TTC1: variants seen among roughly 807,000 people sequenced by gnomAD.
The protein encoded by TTC1 is tetratricopeptide repeat protein 1.
TTC1 carries 31 observed loss-of-function variants against 37.6 expected under a neutral mutation model. The ratio of observed to expected loss-of-function variants is 0.82; its 90% CI spans 0.62 to 1.11. TTC1 has a LOEUF of 1.11. Among genes scored for constraint, TTC1 ranks in the 50% most tolerant of loss-of-function variants. The probability of loss-of-function intolerance (pLI) is 0.00; values close to 1 mark genes in which losing one functional copy is unlikely to be tolerated. For missense variants in TTC1, 351 were observed against 339.0 expected, an observed-to-expected ratio of 1.04 and a Z score of -0.28; for synonymous variants, 127 against 122.4, an observed-to-expected ratio of 1.04 and a Z score of -0.25.
chr5:160,010,164 A>G (rs1002097325), intron 1 of TTC1, among the ~76,000 whole-genome samples: 2 of 151,094 alleles, frequency 1.3e-5, no homozygotes, highest in Non-Finnish European at 2.9e-5. Flanking sequence ...AGGCTGAGGC[A>G]GGAGAATCGC....
intron 3 of TTC1, among the ~76,000 whole-genome samples, chr5:160,035,857 G>A (rs562585375): frequency 2.1e-4 from 32 of 151,982 alleles, no homozygotes; most frequent in Non-Finnish European, 4.1e-4. Context: ...AGAAATCTAG[G>A]AGTGTTAACA....
intron 2 of TTC1, among the ~76,000 whole-genome samples, chr5:160,026,616 T>G (rs1490073340): frequency 1.3e-5 from 2 of 152,366 alleles, no homozygotes; most frequent in East Asian, 3.9e-4. Context: ...TGATAGCACT[T>G]CAGCTACTTA....
intron 2 of TTC1, among the ~76,000 whole-genome samples, chr5:160,032,702 CTTTTTTT>C (rs70987990): frequency 5.4e-5 from 4 of 74,712 alleles, no homozygotes; most frequent in East Asian, 9.0e-4. Context: ...TACCTGCTTT[CTTTTTTT>C]TTTTTTTTTT....
chr5:160,015,929 C>T lies in TTC1; in HGVS notation c.330+5071C>T, dbSNP rs74977385. On this transcript the variant is annotated intron_variant, in intron 2 of 7. Transcript: ENST00000231238. Reference sequence around the variant, plus strand: ...AACTGAATTGAATTATAGGACACTCCGTTGGTGTCCATTGGAGAATTGTTT... The same window carrying T: ...AACTGAATTGAATTATAGGACACTCTGTTGGTGTCCATTGGAGAATTGTTT... Among the ~76,000 whole-genome samples, 104 of 152,266 alleles carry T rather than the reference C, an allele frequency of 6.8e-4. No individual in the cohort carries two copies. In the East Asian group the frequency reaches 0.014, roughly 21 times the overall value.
intron 5 of TTC1, 61 bp from the exon 6 acceptor site, chr5:160,049,453 T>C (rs748167579): frequency 3.6e-5 from 50 of 1,406,122 alleles, no homozygotes; most frequent in East Asian, 1.5e-4. Flanking sequence ...GAATCTGATA[T>C]AGCCAAAGAT....
intron 2 of TTC1, among the ~76,000 whole-genome samples, chr5:160,029,625 G>A (rs1756871833): frequency 2.0e-5 from 3 of 152,102 alleles, no homozygotes; most frequent in South Asian, 2.1e-4. Context: ...GTAGTAAAGC[G>A]AGACCCTGAC....
chr5:160,035,116 A>G (rs376977673), intron 2 of TTC1, 24 bp from the exon 3 acceptor site: 14 of 1,576,128 alleles, frequency 8.9e-6, no homozygotes, highest in South Asian at 6.0e-5. Context: ...GTGAGAAATT[A>G]TGTAATTCTC....
chr5:160,010,561 A>G lies in TTC1; in HGVS notation c.33A>G (p.Pro11=), dbSNP rs746428408. Residue 11 remains proline (P), a synonymous_variant, in exon 2 of 8, where the codon CCA becomes CCG. Coordinates refer to ENST00000231238, the MANE Select transcript of TTC1 (RefSeq NM_003314.3). MGEKSENCGV[P]EDLLNGLKVT... ...AGAAGTCAGAGAACTGTGGGGTTCC[A>G]GAGGATCTGTTAAATGGTTTGAAGG... The G allele has an allele frequency of 6.2e-7, 1 of 1,614,120 alleles. No homozygotes were observed. Among genetic ancestry groups the G allele is most frequent in the Non-Finnish European group, 8.5e-7 (1 of 1,180,012 alleles).
At chr5:160,026,028 C>T (rs568504636) in intron 2 of TTC1, among the ~76,000 whole-genome samples, 1 of 152,276 alleles carries the variant, frequency 6.6e-6, no homozygotes, top group African/African-American at 2.4e-5. Context: ...AGTCAGAATT[C>T]GGTGAGCATA....
At chr5:160,031,890 G>A (rs759469978) in intron 2 of TTC1, among the ~76,000 whole-genome samples, 15 of 151,910 alleles carry the variant, frequency 9.9e-5, no homozygotes, top group Non-Finnish European at 2.1e-4. Context: ...TATAGTCCCC[G>A]CTACTCAAAA....
At chr5:160,033,750 C>T (rs1002396436) in intron 2 of TTC1, among the ~76,000 whole-genome samples, 1 of 152,210 alleles carries the variant, frequency 6.6e-6, no homozygotes, top group Non-Finnish European at 1.5e-5. Context: ...TCCCCATGAT[C>T]CAGGGTCCGT....
intron 2 of TTC1, among the ~76,000 whole-genome samples, chr5:160,031,742 C>A (rs561579598): frequency 6.6e-6 from 1 of 152,152 alleles, no homozygotes; most frequent in African/African-American, 2.4e-5. Flanking sequence ...TGGCTCACAC[C>A]TATAATCCCA....
In TTC1 at chr5:160,036,685, C is replaced by T. The variant is rs1195233105; in HGVS notation, c.392-6C>T. The T allele has an allele frequency of 1.8e-5, 29 of 1,590,598 alleles. No individual in the cohort carries two copies. In the Admixed American group the frequency reaches 4.5e-4, roughly 25 times the overall value. ...AATGACCATTCATCCTTTCTCTTAT[C>T]CTCAGATTATATAGAAGCTGAAAGT... is the stretch of plus-strand genomic sequence containing the variant. On this transcript the variant is annotated splice_region_variant and splice_polypyrimidine_tract_variant and intron_variant, in intron 3 of 7. Coordinates refer to ENST00000231238, the MANE Select transcript of TTC1 (RefSeq NM_003314.3).
chr5:160,051,170 A>G lies in TTC1; in HGVS notation c.732A>G (p.Lys244=). The G allele has an allele frequency of 1.2e-6, 2 of 1,611,012 alleles. No homozygotes were observed. Among genetic ancestry groups the G allele is most frequent in the Non-Finnish European group, 1.7e-6 (2 of 1,178,264 alleles). The part of the protein sequence containing the change: ...KQIEERNERL[K]EEMLGKLKDL... The stretch of plus-strand genomic sequence containing the variant: ...TTGAAGAACGTAATGAAAGACTAAA[A>G]GAAGAGATGTTAGGTAAGCTTACTT... Residue 244 remains lysine, a synonymous_variant, in exon 7 of 8, where the codon AAA becomes AAG. Transcript: ENST00000231238.
intron 7 of TTC1, among the ~76,000 whole-genome samples, chr5:160,051,415 A>G (rs1328953879): frequency 6.6e-6 from 1 of 152,194 alleles, no homozygotes; most frequent in Non-Finnish European, 1.5e-5. Context: ...TCTTGCCTGC[A>G]AGAATTTAAG....
At chr5:160,011,612 T>C (rs1176981787) in intron 2 of TTC1, among the ~76,000 whole-genome samples, 1 of 152,246 alleles carries the variant, frequency 6.6e-6, no homozygotes, top group Non-Finnish European at 1.5e-5. Flanking sequence ...TCTGTCTTCC[T>C]ACAAAGCAGA....
intron 7 of TTC1, among the ~76,000 whole-genome samples, chr5:160,062,266 G>T (rs1753439317): frequency 6.6e-6 from 1 of 152,216 alleles, no homozygotes; most frequent in Non-Finnish European, 1.5e-5. Context: ...TCTTAGCTTG[G>T]AATGGTCTTT....
intron 5 of TTC1, among the ~76,000 whole-genome samples, chr5:160,048,681 A>G (rs899281338): frequency 2.0e-5 from 3 of 152,204 alleles, no homozygotes; most frequent in Admixed American, 2.0e-4. Flanking sequence ...ACCTAGAAAA[A>G]AGAGAATGAT....
chr5:160,032,759 G>GCT (rs1455885240), intron 2 of TTC1, among the ~76,000 whole-genome samples: 1 of 132,010 alleles, frequency 7.6e-6, no homozygotes, highest in Admixed American at 9.1e-5. Context: ...CTGTCGCCAG[G>GCT]CTAGAGTGCA....
Sources: allele counts gnomAD v4.1 joint callset (sites outside exome capture counted in the v4.1 genomes callset), GRCh38; gene constraint gnomAD v4.1.1; transcripts MANE v1.5; gene names NCBI Gene and HGNC (gene_info 2026-07-23, HGNC 2026-07-21).